The following TET3 variants were observed in gnomAD, a reference collection of about 807,000 sequenced individuals.
TET3 encodes the protein tet methylcytosine dioxygenase 3, also known as methylcytosine dioxygenase TET3.
Under a neutral mutation model 141.4 loss-of-function variants are expected in TET3, and 19 were observed. That is an observed-to-expected ratio of 0.13 (90% CI 0.09 to 0.20). The LOEUF is 0.20. Among genes scored for constraint, TET3 ranks in the 10% least tolerant of loss-of-function variants. The probability of loss-of-function intolerance (pLI) is 1.00; values close to 1 mark genes in which losing one functional copy is unlikely to be tolerated. For synonymous variants in TET3, 1,043 were observed against 980.9 expected, an observed-to-expected ratio of 1.06 and a Z score of -1.18; for missense variants, 1,874 against 2,356.9, an observed-to-expected ratio of 0.80 and a Z score of 4.24.
chr2:74,107,311 C>T lies in TET3; in HGVS notation c.*5135C>T, dbSNP rs542603882. 2.0e-5 allele frequency: 3 copies of T among 152,352 alleles called. No individual in the cohort carries two copies. Among genetic ancestry groups the T allele is most frequent in the Admixed American group, 6.5e-5 (1 of 15,300 alleles). The allele number at this position is 152,352 out of a possible 1,614,324, so 9.4% of individuals were successfully genotyped here. ...CACAGAAATGCAAGGTCTAAAGTTG[C>T]TTTTTGCCTAAGAATCAGCGAGCGA... On this transcript the variant is annotated 3_prime_UTR_variant, in exon 12 of 12. Coordinates refer to ENST00000409262, the MANE Select transcript of TET3 (RefSeq NM_001287491.2).
chr2:74,005,439 C>T (rs987221907), intron 3 of TET3, among the ~76,000 whole-genome samples: 1 of 152,208 alleles, frequency 6.6e-6, no homozygotes, highest in Non-Finnish European at 1.5e-5. Context: ...GTCTTCTGTC[C>T]CTGGTGCCAC....
At chr2:74,038,736 G>A (rs1687194439) in intron 3 of TET3, among the ~76,000 whole-genome samples, 1 of 152,212 alleles carries the variant, frequency 6.6e-6, no homozygotes, top group South Asian at 2.1e-4. Flanking sequence ...AGAGACTCCG[G>A]TAGGTTTTGA....
intron 2 of TET3, among the ~76,000 whole-genome samples, chr2:74,001,095 C>T (rs1295217029): frequency 6.6e-6 from 1 of 152,150 alleles, no homozygotes; most frequent in Admixed American, 6.5e-5. Flanking sequence ...GTGCTTAGGA[C>T]ACTGTTCCTT....
intron 5 of TET3, among the ~76,000 whole-genome samples, chr2:74,074,710 G>A (rs1309418045): frequency 6.6e-6 from 1 of 151,862 alleles, no homozygotes; most frequent in Admixed American, 6.6e-5. Flanking sequence ...ACACACTGTA[G>A]GAGTGTCCCG....
intron 4 of TET3, among the ~76,000 whole-genome samples, chr2:74,063,122 G>T (rs183694715): frequency 8.2e-4 from 125 of 151,690 alleles, no homozygotes; most frequent in African/African-American, 2.9e-3. Context: ...GACCTCAAGT[G>T]ATCTACCCAC....
In TET3 at chr2:74,106,465, G is replaced by A. The variant is rs1691509742; in HGVS notation, c.*4289G>A. The A allele has an allele frequency of 6.5e-6, 1 of 153,716 alleles. No individual in the cohort carries two copies. The highest frequency in any genetic ancestry group is 1.5e-5 in the Non-Finnish European group (1 of 68,052). 9.5% of individuals were successfully genotyped at this position (153,716 alleles called of 1,614,324 possible). On this transcript the variant is annotated 3_prime_UTR_variant, in exon 12 of 12. Coordinates refer to ENST00000409262, the MANE Select transcript of TET3 (RefSeq NM_001287491.2). Reference sequence around the variant, plus strand: ...AAGCAGACATCTCTGGGAGTCCCAAGGGCACACCAAGGGAGACCAGATGGA... The same window carrying A: ...AAGCAGACATCTCTGGGAGTCCCAAAGGCACACCAAGGGAGACCAGATGGA...
chr2:73,991,465 C>A (rs1684319475), intron 2 of TET3, among the ~76,000 whole-genome samples: 1 of 151,942 alleles, frequency 6.6e-6, no homozygotes, highest in African/African-American at 2.4e-5. Flanking sequence ...TGCCTGTAAT[C>A]CCAGCTCCTG....
At chr2:74,123,135 C>T in the TET3 span, 2 of 152,136 alleles carry the variant, frequency 1.3e-5, no homozygotes, top group African/African-American at 4.8e-5. Context: ...GAAGGTGCTG[C>T]GTGAATCTGC....
chr2:74,074,525 C>T (rs936212040), intron 5 of TET3, among the ~76,000 whole-genome samples: 7 of 152,182 alleles, frequency 4.6e-5, no homozygotes, highest in East Asian at 1.9e-4. Flanking sequence ...TGCGTGTCCA[C>T]GGCAGGTAGT....
intron 3 of TET3, among the ~76,000 whole-genome samples, chr2:74,034,424 A>G (rs1161150333): frequency 6.6e-6 from 1 of 152,068 alleles, no homozygotes; most frequent in Non-Finnish European, 1.5e-5. Context: ...TCACCTCCAG[A>G]GGTAACCATT....
chr2:74,128,850 G>C, the TET3 span, among the ~76,000 whole-genome samples: 1 of 151,796 alleles, frequency 6.6e-6, no homozygotes, highest in African/African-American at 2.4e-5. Flanking sequence ...AAAATAGCCA[G>C]GCATGGTGGT....
At chr2:74,048,614 C>T (rs749263290) in intron 4 of TET3, among the ~76,000 whole-genome samples, 3 of 152,286 alleles carry the variant, frequency 2.0e-5, no homozygotes, top group South Asian at 2.1e-4. Context: ...TATGCCACGT[C>T]GGCTGAGATG....
At chr2:74,096,279 C>T (rs762342487) in intron 10 of TET3, among the ~76,000 whole-genome samples, 5 of 152,106 alleles carry the variant, frequency 3.3e-5, no homozygotes, top group African/African-American at 4.8e-5. Context: ...CAGAGGAAGT[C>T]GTAGACCCAC....
Position 74,100,908 on chromosome 2 carries a change from C to T in TET3, c.4120C>T (p.Leu1374=), listed in dbSNP as rs751347274. ...GGAGTATCTGCTTCCCAAGGCCCCCCTACTCCACTCAGTGTCCAGGGACCC... is the reference window on the plus strand; with the variant it reads ...GGAGTATCTGCTTCCCAAGGCCCCCTTACTCCACTCAGTGTCCAGGGACCC... ...PKEYLLPKAP[L]LHSVSRDPSP... The change falls in exon 12 of 12, where the codon CTA becomes TTA. Residue 1374 remains leucine (L), a synonymous_variant. Transcript: ENST00000409262. 1.2e-6 allele frequency: 2 copies of T among 1,610,262 alleles called. No individual in the cohort carries two copies. Among genetic ancestry groups the T allele is most frequent in the South Asian group, 1.1e-5 (1 of 90,280 alleles).
Position 74,046,979 on chromosome 2 carries a change from G to A in TET3, c.1062G>A (p.Leu354=). 6.2e-7 allele frequency: 1 copy of A among 1,613,942 alleles called. No individual in the cohort carries two copies. The highest frequency in any genetic ancestry group is 8.5e-7 in the Non-Finnish European group (1 of 1,179,858). ...LSIAKEKNIS[L]QTAIAIEALT... ...TTGCCAAGGAAAAAAACATCAGCTT[G>A]CAGACCGCCATTGCCATTGAGGCCC... is the stretch of plus-strand genomic sequence containing the variant. The change falls in exon 4 of 12, where the codon TTG becomes TTA. Residue 354 remains leucine (L), a synonymous_variant. Coordinates refer to ENST00000409262, the MANE Select transcript of TET3 (RefSeq NM_001287491.2). The surrounding 1 kb of genome is among the most constrained non-coding windows in gnomAD (Gnocchi z 4.3).
intron 5 of TET3, among the ~76,000 whole-genome samples, chr2:74,077,036 C>T (rs1013004279): frequency 2.6e-5 from 4 of 152,202 alleles, no homozygotes; most frequent in Non-Finnish European, 5.9e-5. Flanking sequence ...GAGACCGGTG[C>T]ACAGCACAGA....
In TET3 at chr2:74,046,215, G is replaced by A. The variant is rs919138786; in HGVS notation, c.361-63G>A. 4.2e-6 allele frequency: 6 copies of A among 1,429,168 alleles called. No homozygotes were observed. Among genetic ancestry groups the A allele is most frequent in the Non-Finnish European group, 5.5e-6 (6 of 1,082,692 alleles). 88.5% of individuals were successfully genotyped at this position (1,429,168 alleles called of 1,614,324 possible). On this transcript the variant is annotated intron_variant, in intron 3 of 11. Coordinates refer to ENST00000409262, the MANE Select transcript of TET3 (RefSeq NM_001287491.2). The surrounding 1 kb of genome is among the most constrained non-coding windows in gnomAD (Gnocchi z 4.3). ...TGTGCACCTGAGTGGTATGAAGCAG[G>A]GAAATGCTTTTCAAATAGTGTGGTT...
At chr2:74,033,322 T>C (rs1238722334) in intron 3 of TET3, among the ~76,000 whole-genome samples, 1 of 152,258 alleles carries the variant, frequency 6.6e-6, no homozygotes, top group African/African-American at 2.4e-5. Context: ...TACACAGGCA[T>C]GCGTTGTGAT....
intron 6 of TET3, among the ~76,000 whole-genome samples, chr2:74,083,099 A>T (rs879780847): frequency 6.6e-6 from 1 of 152,244 alleles, no homozygotes. Flanking sequence ...GACACAGTCA[A>T]GGTACATCAT....
Sources: gnomAD v4.1 joint callset for allele counts (sites outside exome capture counted in the v4.1 genomes callset) on GRCh38, gnomAD v4.1.1 for gene constraint, Gnocchi (gnomAD v3.1) non-coding constraint, MANE v1.5 for transcripts, NCBI Gene and HGNC (gene_info 2026-07-23, HGNC 2026-07-21) for gene names.